Variants in SMG5 observed in about 807,000 individuals in gnomAD.
SMG5 encodes the protein SMG5 nonsense mediated mRNA decay factor.
SMG5 carries 53 observed loss-of-function variants against 122.9 expected under a neutral mutation model. That is an observed-to-expected ratio of 0.43 (90% CI 0.35 to 0.54). The LOEUF is 0.54. Among genes scored for constraint, SMG5 ranks in the 20% least tolerant of loss-of-function variants. The pLI, the probability that SMG5 is intolerant of heterozygous loss-of-function variation, is 0.01. For synonymous variants in SMG5, 477 were observed against 490.2 expected, an observed-to-expected ratio of 0.97 and a Z score of 0.35; for missense variants, 1,153 against 1,285.6, an observed-to-expected ratio of 0.90 and a Z score of 1.58.
intron 15 of SMG5, 47 bp from the exon 16 acceptor site, chr1:156,259,210 G>A (rs774163713): frequency 2.5e-5 from 38 of 1,505,248 alleles, no homozygotes; most frequent in Non-Finnish European, 3.3e-5. Context: ...GGGCCCTCTA[G>A]ACCCACCCTG....
rs961540924 is a variant in SMG5, at chr1:156,250,125, ATCAC to A, written c.*458_*461del. The A allele has an allele frequency of 1.9e-5, 7 of 362,126 alleles. No individual in the cohort carries two copies. Among genetic ancestry groups the A allele is most frequent in the Admixed American group, 3.7e-5 (1 of 27,026 alleles). 22.4% of individuals were successfully genotyped at this position (362,126 alleles called of 1,614,324 possible). On this transcript the variant is annotated 3_prime_UTR_variant, in exon 22 of 22. Coordinates refer to ENST00000361813, the MANE Select transcript of SMG5 (RefSeq NM_015327.3). ...TGAGGAGGGGAAGGGTCTGCAGAGA[ATCAC>A]TCAGACACCAGGTATTACCCAGCTC...
intron 4 of SMG5, among the ~76,000 whole-genome samples, chr1:156,275,437 T>C (rs903247615): frequency 6.6e-6 from 1 of 152,202 alleles, no homozygotes; most frequent in Non-Finnish European, 1.5e-5. Flanking sequence ...CTAAGCATTC[T>C]ACAGTATTAA....
Position 156,263,463 on chromosome 1 carries a change from G to A in SMG5, c.1963C>T (p.Leu655Phe). The A allele has an allele frequency of 1.2e-6, 2 of 1,614,254 alleles. No homozygotes were observed. Among genetic ancestry groups the A allele is most frequent in the South Asian group, 1.1e-5 (1 of 91,088 alleles). The change falls in exon 13 of 22, where the codon CTT (leucine) becomes TTT (phenylalanine). Residue 655 changes from leucine to phenylalanine, a missense_variant. Coordinates refer to ENST00000361813, the MANE Select transcript of SMG5 (RefSeq NM_015327.3). The stretch of plus-strand genomic sequence containing the variant: ...TCCAGGAAGACTTTCACAGCAGGAA[G>A]CAGACCTTCGGCCATCAGGACCTGA... ...KLQVLMAEGL[L>F]PAVKVFLDWL...
chr1:156,256,744 T>G (rs908584540), intron 16 of SMG5, among the ~76,000 whole-genome samples: 2 of 152,038 alleles, frequency 1.3e-5, no homozygotes, highest in Non-Finnish European at 2.9e-5. Context: ...CAGCAGGTAC[T>G]ACACCCCCCG....
intron 3 of SMG5, 31 bp from the exon 4 acceptor site, chr1:156,277,272 A>G: frequency 6.2e-7 from 1 of 1,604,980 alleles, no homozygotes; most frequent in Non-Finnish European, 8.5e-7. Flanking sequence ...GGGGCTGGTT[A>G]AGCAATAAAC....
chr1:156,285,168 C>T (rs1389387005), upstream of SMG5: 1 of 1,504,476 alleles, frequency 6.6e-7, no homozygotes, highest in Non-Finnish European at 8.9e-7. Flanking sequence ...ACAGAGCTTT[C>T]CTCTGTTCCC....
intron 12 of SMG5, 86 bp from the exon 13 acceptor site, chr1:156,263,656 G>C (rs1346194204): frequency 1.4e-6 from 2 of 1,432,990 alleles, no homozygotes; most frequent in Non-Finnish European, 1.9e-6. Flanking sequence ...CAGGGAGCAT[G>C]CTTCCACCTG....
intron 12 of SMG5, among the ~76,000 whole-genome samples, chr1:156,264,007 C>T (rs543850895): frequency 3.9e-5 from 6 of 152,024 alleles, no homozygotes; most frequent in East Asian, 1.9e-4. Flanking sequence ...TGGTGGCTCA[C>T]GCCTGTAATC....
At chr1:156,253,227 T>TA (rs1268490474) in intron 17 of SMG5, 149 bp from the exon 18 acceptor site, 30 of 1,025,160 alleles carry the variant, frequency 2.9e-5, no homozygotes, top group Non-Finnish European at 4.1e-5. Context: ...GGGGGAAAAG[T>TA]AAACAGAAAT....
chr1:156,264,651 G>T (rs1662032170), intron 12 of SMG5, among the ~76,000 whole-genome samples: 1 of 152,126 alleles, frequency 6.6e-6, no homozygotes, highest in Non-Finnish European at 1.5e-5. Context: ...AATCTAGTGG[G>T]GGCAAGTAAG....
In SMG5 at chr1:156,282,752, TCCGGCCGTAGCCGCAGCCGCCGCCGCCA is replaced by T; in HGVS notation, c.-100_-73del. On this transcript the variant is annotated 5_prime_UTR_variant, in exon 1 of 22. An upstream open reading frame in the 5' UTR gains an earlier in-frame stop. Coordinates refer to ENST00000361813, the MANE Select transcript of SMG5 (RefSeq NM_015327.3). ...CACCACTACCGCCAACACTGCCGTC[TCCGGCCGTAGCCGCAGCCGCCGCCGCCA>T]CCGGCCCTGCTCGGCCGCCATCGCT... 2 of 1,473,628 alleles carry T rather than the reference TCCGGCCGTAGCCGCAGCCGCCGCCGCCA, an allele frequency of 1.4e-6. No homozygotes were observed. Among genetic ancestry groups the T allele is most frequent in the Non-Finnish European group, 1.8e-6 (2 of 1,102,386 alleles). The allele number at this position is 1,473,628 out of a possible 1,614,324, so 91.3% of individuals were successfully genotyped here.
At chr1:156,285,968 T>A (rs1459826629), upstream of SMG5, 10 of 1,606,854 alleles carry the variant, frequency 6.2e-6, no homozygotes, top group Non-Finnish European at 8.5e-6. Context: ...CTTTGCCACC[T>A]TCCCCATTGT....
At chr1:156,251,880 C>A (rs993382695) in intron 19 of SMG5, among the ~76,000 whole-genome samples, 1 of 152,194 alleles carries the variant, frequency 6.6e-6, no homozygotes, top group African/African-American at 2.4e-5. Flanking sequence ...GCCTAGTTCT[C>A]CTCCAGCCCC....
chr1:156,277,196 G>A lies in SMG5; in HGVS notation c.343C>T (p.Leu115=), dbSNP rs137946100. The A allele has an allele frequency of 6.2e-7, 1 of 1,613,904 alleles. No homozygotes were observed. Among genetic ancestry groups the A allele is most frequent in the Non-Finnish European group, 8.5e-7 (1 of 1,179,974 alleles). ...TGGTAGAAGCCAATACCAGCAACCAGGTGCGTCCTGTAGGCACATTCCAAA... is the reference window on the plus strand; with the variant it reads ...TGGTAGAAGCCAATACCAGCAACCAAGTGCGTCCTGTAGGCACATTCCAAA... ...STLECAYRTH[L]VAGIGFYQHL... is the part of the protein sequence containing the mutation. Residue 115 remains leucine, a synonymous_variant, in exon 4 of 22, where the codon CTG becomes TTG. Coordinates refer to ENST00000361813, the MANE Select transcript of SMG5 (RefSeq NM_015327.3).
chr1:156,272,857 G>A (rs575184277), intron 6 of SMG5, among the ~76,000 whole-genome samples: 52 of 151,946 alleles, frequency 3.4e-4, no homozygotes, highest in Non-Finnish European at 6.5e-4. Context: ...GAGCCACCGC[G>A]CCCGGCCTAC....
Position 156,263,517 on chromosome 1 carries a change from G to A in SMG5, c.1909C>T (p.Arg637Trp), listed in dbSNP as rs61760175. Residue 637 changes from arginine to tryptophan, a missense_variant, in exon 13 of 22, where the codon CGG becomes TGG. Physicochemically the swap from Arg to Trp is moderately radical, Grantham distance 101. Transcript: ENST00000361813. The stretch of plus-strand genomic sequence containing the variant: ...TTCTCCTGGATGCTGCGCTCATTCC[G>A]ACAGGAGCGTCCACTGGACTCACTC... ...EGSESSGRSCRNERSIQEKLQ... is the reference protein window; with the variant it reads ...EGSESSGRSCWNERSIQEKLQ... The A allele has an allele frequency of 8.7e-5, 140 of 1,614,218 alleles. No individual in the cohort carries two copies. In the East Asian group the frequency reaches 1.5e-3, roughly 17 times the overall value.
Position 156,282,774 on chromosome 1 carries a change from G to A in SMG5, c.-94C>T, listed in dbSNP as rs1338733760. On this transcript the variant is annotated 5_prime_UTR_variant, in exon 1 of 22. Transcript: ENST00000361813. Reference sequence around the variant, plus strand: ...GTCTCCGGCCGTAGCCGCAGCCGCCGCCGCCACCGGCCCTGCTCGGCCGCC... The same window carrying A: ...GTCTCCGGCCGTAGCCGCAGCCGCCACCGCCACCGGCCCTGCTCGGCCGCC... 9.7e-6 allele frequency: 13 copies of A among 1,336,132 alleles called. No homozygotes were observed. In the East Asian group the frequency reaches 1.3e-4, roughly 13 times the overall value. 82.8% of individuals were successfully genotyped at this position (1,336,132 alleles called of 1,614,324 possible).
In SMG5 at chr1:156,267,697, A is replaced by G. The variant is rs1402622824; in HGVS notation, c.909-19T>C. The G allele has an allele frequency of 6.3e-7, 1 of 1,595,498 alleles. No homozygotes were observed. The highest frequency in any genetic ancestry group is 8.5e-7 in the Non-Finnish European group (1 of 1,170,780). ...CACGGAGCTACAGAGGGGCAGGAGT[A>G]ACAGGGGAGGTCAGTGGTGGGGGCT... On this transcript the variant is annotated intron_variant, in intron 9 of 21. Transcript: ENST00000361813.
chr1:156,268,128 G>C lies in SMG5; in HGVS notation c.895C>G (p.Gln299Glu). Residue 299 changes from glutamine (Q) to glutamate (E), a missense_variant, in exon 9 of 22, where the codon CAG becomes GAG. Coordinates refer to ENST00000361813, the MANE Select transcript of SMG5 (RefSeq NM_015327.3). The part of the protein sequence containing the change: ...VNFMYLQSLL[Q>E]PKSSSVDSEL... ...TCTTCCACTCACCTGCTTTTGGGCTGTAGGAGGCTTTGCAGATACATAAAG... is the reference window on the plus strand; with the variant it reads ...TCTTCCACTCACCTGCTTTTGGGCTCTAGGAGGCTTTGCAGATACATAAAG... The C allele has an allele frequency of 1.2e-6, 2 of 1,614,168 alleles. No homozygotes were observed. The highest frequency in any genetic ancestry group is 1.7e-6 in the Non-Finnish European group (2 of 1,180,010).
Sources: allele counts gnomAD v4.1 joint callset (sites outside exome capture counted in the v4.1 genomes callset), GRCh38; gene constraint gnomAD v4.1.1; transcripts MANE v1.5; gene names NCBI Gene and HGNC (gene_info 2026-07-23, HGNC 2026-07-21).